EPHA6: variants seen among roughly 807,000 people sequenced by gnomAD.
EPHA6 encodes EPH receptor A6, also known as ephrin type-A receptor 6.
Under a neutral mutation model 112.0 loss-of-function variants are expected in EPHA6, and 50 were observed. That is an observed-to-expected ratio of 0.45 (90% confidence interval 0.36 to 0.56). The LOEUF is 0.56. Among genes scored for constraint, EPHA6 ranks in the 20% least tolerant of loss-of-function variants. The pLI, the probability that EPHA6 is intolerant of heterozygous loss-of-function variation, is 0.00. For missense variants in EPHA6, 1,280 were observed against 1,417.4 expected (o/e 0.90, Z 1.56); for synonymous variants, 529 against 490.7 (o/e 1.08, Z -1.03).
chr3:97,268,694 G>C (rs2079779181), intron 5 of EPHA6, among the ~76,000 whole-genome samples: 1 of 152,096 alleles, frequency 6.6e-6, no homozygotes, highest in Non-Finnish European at 1.5e-5. Context: ...TTGGTGATAT[G>C]ATTTACTTAT....
rs202207730 is a variant in EPHA6 at position 96,987,441 on chromosome 3, C to T, written c.562C>T (p.Arg188Cys). The T allele has an allele frequency of 3.1e-4, 496 of 1,613,726 alleles. No homozygotes were observed. The highest frequency in any genetic ancestry group is 4.0e-4 in the Non-Finnish European group (467 of 1,179,856). ...CTGGCTTCGTACAAACTGGATCTCC[C>T]GTGATGCAGCTCAGAAAATTTATGT... Reference protein sequence around the residue: ...NNWLRTNWISRDAAQKIYVEM... With the variant: ...NNWLRTNWISCDAAQKIYVEM... Residue 188 changes from arginine (R) to cysteine (C), a missense_variant, in exon 3 of 18, where the codon CGT becomes TGT. Physicochemically the swap from Arg to Cys is radical, Grantham distance 180. This residue lies in a region of EPHA6 where 878 missense variants were observed against 999.7 expected (regional missense o/e 0.88). Coordinates refer to ENST00000389672, the MANE Select transcript of EPHA6 (RefSeq NM_001080448.3).
chr3:97,646,101 A>T, intron 14 of EPHA6: 1 of 1,519,470 alleles, frequency 6.6e-7, no homozygotes, highest in South Asian at 1.2e-5. Flanking sequence ...TTCCATTAAA[A>T]TGACTTTGCC....
chr3:96,929,143 C>T (rs2040189514), intron 2 of EPHA6, among the ~76,000 whole-genome samples: 1 of 152,160 alleles, frequency 6.6e-6, no homozygotes, highest in South Asian at 2.1e-4. Flanking sequence ...CCTCCTTTAG[C>T]CACAACTGGA....
At chr3:96,868,148 T>A (rs1294960809) in intron 2 of EPHA6, among the ~76,000 whole-genome samples, 2 of 149,778 alleles carry the variant, frequency 1.3e-5, no homozygotes, top group African/African-American at 2.5e-5. Flanking sequence ...AAAATACCTT[T>A]TGTGTGTGTG....
intron 4 of EPHA6, among the ~76,000 whole-genome samples, chr3:97,238,547 A>T (rs1049104707): frequency 6.6e-6 from 1 of 151,920 alleles, no homozygotes; most frequent in Admixed American, 6.6e-5. Flanking sequence ...AGTGTCAATC[A>T]TCTCTTCTAT....
At chr3:97,556,288 C>T (rs1207974086) in intron 11 of EPHA6, among the ~76,000 whole-genome samples, 1 of 151,998 alleles carries the variant, frequency 6.6e-6, no homozygotes, top group African/African-American at 2.4e-5. Flanking sequence ...AAACTTCCTT[C>T]ATGACTGTCA....
chr3:97,707,754 G>T (rs1214820133), intron 14 of EPHA6, among the ~76,000 whole-genome samples: 1 of 152,154 alleles, frequency 6.6e-6, no homozygotes, highest in Non-Finnish European at 1.5e-5. Flanking sequence ...GAGGTGATTG[G>T]ATCATGGGAC....
intron 2 of EPHA6, among the ~76,000 whole-genome samples, chr3:96,943,818 GTT>G (rs2041109076): frequency 6.6e-6 from 1 of 152,082 alleles, no homozygotes; most frequent in African/African-American, 2.4e-5. Flanking sequence ...AGCAGCATAT[GTT>G]ATGCTGAAAA....
intron 3 of EPHA6, among the ~76,000 whole-genome samples, chr3:97,197,690 A>G (rs2077476857): frequency 1.3e-5 from 2 of 152,086 alleles, no homozygotes; most frequent in South Asian, 2.1e-4. Flanking sequence ...GTGTCTCACT[A>G]GGTCACATGC....
chr3:97,105,657 TC>T (rs2047544812), intron 3 of EPHA6, among the ~76,000 whole-genome samples: 1 of 152,068 alleles, frequency 6.6e-6, no homozygotes, highest in African/African-American at 2.4e-5. Flanking sequence ...TCTGCAGAGG[TC>T]CATCAGATTC....
intron 14 of EPHA6, among the ~76,000 whole-genome samples, chr3:97,703,345 T>TA (rs1171923167): frequency 6.6e-6 from 1 of 152,212 alleles, no homozygotes; most frequent in Non-Finnish European, 1.5e-5. Flanking sequence ...ATGTTATTTT[T>TA]AAAAACAGCA....
chr3:97,093,963 C>T (rs570266609), intron 3 of EPHA6, among the ~76,000 whole-genome samples: 3 of 152,072 alleles, frequency 2.0e-5, no homozygotes, highest in South Asian at 4.2e-4. Context: ...GTAACTATAT[C>T]GCTTCAGATA....
chr3:96,953,499 T>C (rs1020692302), intron 2 of EPHA6, among the ~76,000 whole-genome samples: 2 of 152,188 alleles, frequency 1.3e-5, no homozygotes. Context: ...AAGTAAAGTG[T>C]TAAAGTTTAT....
chr3:97,530,603 A>G (rs556805641), intron 10 of EPHA6, among the ~76,000 whole-genome samples: 161 of 152,042 alleles, frequency 1.1e-3, no homozygotes, highest in Non-Finnish European at 1.7e-3. Flanking sequence ...ACTAAGAAAA[A>G]AAAAACAGGA....
intron 5 of EPHA6, among the ~76,000 whole-genome samples, chr3:97,341,634 C>A (rs1257459004): frequency 6.6e-6 from 1 of 152,058 alleles, no homozygotes; most frequent in Non-Finnish European, 1.5e-5. Context: ...ATTACTCCTT[C>A]ACTGCCAATT....
chr3:97,484,197 A>G (rs1280031255), intron 10 of EPHA6, 138 bp downstream of exon 10: 2 of 685,568 alleles, frequency 2.9e-6, no homozygotes, highest in East Asian at 3.3e-5. Flanking sequence ...GATCTTGTAT[A>G]TGTTATTTTT....
chr3:97,592,761 C>G, intron 12 of EPHA6, 24 bp downstream of exon 12: 1 of 1,566,264 alleles, frequency 6.4e-7, no homozygotes, highest in Non-Finnish European at 8.6e-7. Flanking sequence ...GTGAAGTTTT[C>G]TGCCACCATA....
At chr3:97,314,297 A>G (rs58902705) in intron 5 of EPHA6, among the ~76,000 whole-genome samples, 8,697 of 151,424 alleles carry the variant, frequency 0.057, 712 homozygotes, top group African/African-American at 0.19. Context: ...CAGGGAGTGC[A>G]GTGTTTTCAG....
At chr3:97,233,684 T>A (rs2078599747) in intron 4 of EPHA6, among the ~76,000 whole-genome samples, 1 of 152,200 alleles carries the variant, frequency 6.6e-6, no homozygotes, top group African/African-American at 2.4e-5. Context: ...GGTGTCTTGG[T>A]CAATCTTAGC....
Sources: gnomAD v4.1 joint callset for allele counts (sites outside exome capture counted in the v4.1 genomes callset) on GRCh38, gnomAD v4.1.1 for gene constraint, gnomAD v4.1.1 regional missense constraint, MANE v1.5 for transcripts, NCBI Gene and HGNC (gene_info 2026-07-23, HGNC 2026-07-21) for gene names.